ADK: variants seen among roughly 807,000 people sequenced by gnomAD.
ADK encodes adenosine kinase.
Under a neutral mutation model 44.7 loss-of-function variants are expected in ADK, and 24 were observed. The observed-to-expected ratio is 0.54, with a 90% CI of 0.39 to 0.76. ADK has a LOEUF of 0.76. ADK is among the 30% of genes least tolerant of loss of function. ADK has a pLI of 0.00. For missense variants in ADK, 321 were observed against 425.1 expected (o/e 0.76, Z 2.15); for synonymous variants, 128 against 142.6 (o/e 0.90, Z 0.73).
rs1856688334 is a variant in ADK, at chr10:74,708,598, G to T, written c.*153G>T. ...TTAGAGGGTACAAGGGTATGGTAAT[G>T]CTTGTAGAATCTTTATTATCTCAAC... On this transcript the variant is annotated 3_prime_UTR_variant, in exon 11 of 11. Coordinates refer to ENST00000539909, the MANE Select transcript of ADK (RefSeq NM_006721.4). 1 of 810,810 alleles carries T rather than the reference G, an allele frequency of 1.2e-6. No individual in the cohort carries two copies. Among genetic ancestry groups the T allele is most frequent in the Non-Finnish European group, 1.9e-6 (1 of 532,868 alleles). The allele number at this position is 810,810 out of a possible 1,614,324, so 50.2% of individuals were successfully genotyped here.
chr10:74,357,460 ATTTTTTT>A (rs536915870), intron 4 of ADK, among the ~76,000 whole-genome samples: 15 of 134,598 alleles, frequency 1.1e-4, no homozygotes, highest in African/African-American at 3.2e-4. Flanking sequence ...ATACCCAGTG[ATTTTTTT>A]TTTTTTTTTT....
In ADK at chr10:74,338,642, C is replaced by T. The variant is rs78704481; in HGVS notation, c.273+23897C>T. 9.9e-3 allele frequency among the ~76,000 whole-genome samples: 1,502 copies of T among 151,420 alleles called. 10 individuals are homozygous for T. Among genetic ancestry groups the T allele is most frequent in the Non-Finnish European group, 0.017 (1,154 of 67,866 alleles). The stretch of plus-strand genomic sequence containing the variant: ...TTCCGTAGATCTTAAGTTCATCACA[C>T]GAAGTAAAAAAAAAGCTAAACTCAA... On this transcript the variant is annotated intron_variant, in intron 4 of 10. Transcript: ENST00000539909.
At chr10:74,239,556 T>C (rs1845114396) in intron 3 of ADK, among the ~76,000 whole-genome samples, 2 of 151,262 alleles carry the variant, frequency 1.3e-5, no homozygotes, top group Non-Finnish European at 3.0e-5. Context: ...TACAAAAAAT[T>C]TGAAAATTAG....
intron 9 of ADK, among the ~76,000 whole-genome samples, chr10:74,644,012 C>T (rs1158172364): frequency 1.3e-5 from 2 of 152,178 alleles, no homozygotes; most frequent in Non-Finnish European, 2.9e-5. Context: ...TGTATTATAG[C>T]CTGGTAATTC....
intron 4 of ADK, among the ~76,000 whole-genome samples, chr10:74,379,569 C>G (rs1010671390): frequency 1.3e-5 from 2 of 152,188 alleles, no homozygotes; most frequent in Admixed American, 1.3e-4. Flanking sequence ...TTTCATCTCC[C>G]TGAGCTCCAG....
chr10:74,437,731 C>T (rs946157180), intron 6 of ADK, among the ~76,000 whole-genome samples: 5 of 152,142 alleles, frequency 3.3e-5, no homozygotes, highest in African/African-American at 1.2e-4. Flanking sequence ...TGCAAACCAG[C>T]ATAAAACATT....
At chr10:74,211,560 T>G (rs1322173118) in intron 2 of ADK, among the ~76,000 whole-genome samples, 2 of 152,170 alleles carry the variant, frequency 1.3e-5, no homozygotes, top group Non-Finnish European at 2.9e-5. Context: ...ATTCAGACCA[T>G]GTAGAAGTCA....
chr10:74,498,205 A>T (rs1169729531), intron 6 of ADK, among the ~76,000 whole-genome samples: 1 of 152,182 alleles, frequency 6.6e-6, no homozygotes, highest in African/African-American at 2.4e-5. Context: ...GACCTCTTTG[A>T]AAAAGTGTTA....
chr10:74,411,102 T>A lies in ADK; in HGVS notation c.555+12523T>A, dbSNP rs575986253. Among the ~76,000 whole-genome samples the A allele has an allele frequency of 1.3e-4, 20 of 152,268 alleles. No individual in the cohort carries two copies. In the South Asian group the frequency reaches 3.9e-3, roughly 30 times the overall value. ...CATTTTTGCCTCAAATTTTTAACTA[T>A]CCTATTCTGGACTGCTTCATTAACT... On this transcript the variant is annotated intron_variant, in intron 6 of 10. Transcript: ENST00000539909.
rs1224457366 is a variant in ADK at position 74,356,006 on chromosome 10, T to G, written c.274-38135T>G. Among the ~76,000 whole-genome samples, 155 of 115,656 alleles carry G rather than the reference T, an allele frequency of 1.3e-3. 15 individuals are homozygous for G. Among genetic ancestry groups the G allele is most frequent in the Middle Eastern group, 4.2e-3 (1 of 238 alleles). 75.9% of individuals were successfully genotyped at this position (115,656 alleles called of 152,430 possible). A position where few individuals can be genotyped will look rare whatever the true frequency, so the allele number is the denominator to read the frequency against. ...AAATATTTCACTAAATAATTCATTT[T>G]TTTTTTTTTTTTTTTTTTTTTTTGA... is the stretch of plus-strand genomic sequence containing the variant. On this transcript the variant is annotated intron_variant, in intron 4 of 10. Transcript: ENST00000539909.
chr10:74,584,723 A>G (rs771000079), intron 7 of ADK, among the ~76,000 whole-genome samples: 2 of 152,174 alleles, frequency 1.3e-5, no homozygotes, highest in Non-Finnish European at 2.9e-5. Flanking sequence ...ATGTACACAG[A>G]TGCTAGCAGC....
At chr10:74,368,183 A>G (rs1309318977) in intron 4 of ADK, among the ~76,000 whole-genome samples, 1 of 152,204 alleles carries the variant, frequency 6.6e-6, no homozygotes, top group Non-Finnish European at 1.5e-5. Flanking sequence ...GTACAGTGGC[A>G]TGAACATGGC....
intron 6 of ADK, chr10:74,423,698 TG>T: frequency 2.3e-6 from 1 of 444,162 alleles, no homozygotes. Flanking sequence ...GTGACAATGT[TG>T]GGGCTGGCCT....
At chr10:74,702,082 G>T (rs938963886) in intron 10 of ADK, among the ~76,000 whole-genome samples, 35 of 152,170 alleles carry the variant, frequency 2.3e-4, no homozygotes, top group African/African-American at 8.4e-4. Context: ...TTTCACAGCT[G>T]CAGTTGGAAA....
intron 4 of ADK, among the ~76,000 whole-genome samples, chr10:74,366,365 A>G (rs376486269): frequency 1.1e-3 from 162 of 152,352 alleles, no homozygotes; most frequent in Middle Eastern, 3.4e-3. Context: ...TCCTCTGCCA[A>G]TTAAGTAGCC....
intron 9 of ADK, among the ~76,000 whole-genome samples, chr10:74,662,468 A>G (rs1245947667): frequency 6.6e-6 from 1 of 152,054 alleles, no homozygotes; most frequent in Non-Finnish European, 1.5e-5. Flanking sequence ...TTGGGTAGAG[A>G]TGAAGTTTTG....
chr10:74,225,653 G>T (rs909196999), intron 3 of ADK, among the ~76,000 whole-genome samples: 2 of 152,062 alleles, frequency 1.3e-5, no homozygotes, highest in African/African-American at 4.8e-5. Flanking sequence ...TCAGGGAAAG[G>T]ATTTTCTTAT....
chr10:74,168,536 C>CAA (rs140065598), intron 1 of ADK, among the ~76,000 whole-genome samples: 5 of 98,934 alleles, frequency 5.1e-5, no homozygotes, highest in Admixed American at 3.1e-4. Flanking sequence ...GAGACTGTCT[C>CAA]AAAAAAAAAA....
chr10:74,506,911 A>G (rs1173910219), intron 6 of ADK, among the ~76,000 whole-genome samples: 1 of 152,254 alleles, frequency 6.6e-6, no homozygotes, highest in Non-Finnish European at 1.5e-5. Flanking sequence ...ATTTCAAACT[A>G]TCACAAATTT....
Sources: gnomAD v4.1 joint callset for allele counts (sites outside exome capture counted in the v4.1 genomes callset) on GRCh38, gnomAD v4.1.1 for gene constraint, MANE v1.5 for transcripts, NCBI Gene and HGNC (gene_info 2026-07-23, HGNC 2026-07-21) for gene names.